GNG7: variants seen among roughly 807,000 people sequenced by gnomAD.
GNG7 encodes the protein G protein subunit gamma 7, also known as guanine nucleotide-binding protein G(I)/G(S)/G(O) subunit gamma-7.
GNG7 carries 1 observed loss-of-function variant against 4.0 expected under a neutral mutation model. The observed-to-expected ratio is 0.25, with a 90% CI of 0.09 to 1.18. GNG7 has a LOEUF of 1.18. GNG7 is among the 50% of genes most tolerant of loss of function. The pLI, the probability that GNG7 is intolerant of heterozygous loss-of-function variation, is 0.50. For missense variants in GNG7, 86 were observed against 91.9 expected, an observed-to-expected ratio of 0.94 and a Z score of 0.26; for synonymous variants, 34 against 36.9, an observed-to-expected ratio of 0.92 and a Z score of 0.29.
At position 2,617,038 on chromosome 19, in the gene GNG7, C is replaced by A. The variant is rs1206689317; in HGVS notation, c.-78+29186G>T. Among the ~76,000 whole-genome samples the A allele has an allele frequency of 6.6e-6, 1 of 152,184 alleles. No individual in the cohort carries two copies. The highest frequency in any genetic ancestry group is 1.5e-5 in the Non-Finnish European group (1 of 68,036). The stretch of plus-strand genomic sequence containing the variant: ...CACCAGCCTTCCACCAGTGTGCTGC[C>A]CAGCACGTGACTATCGGAAAAACTT... On this transcript the variant is annotated intron_variant, in intron 2 of 4. Coordinates refer to ENST00000382159, the MANE Select transcript of GNG7 (RefSeq NM_052847.3). The surrounding 1 kb of genome is among the most constrained non-coding windows in gnomAD (Gnocchi z 4.7).
At chr19:2,577,700 C>CAAA (rs58623953) in intron 2 of GNG7, among the ~76,000 whole-genome samples, 10 of 108,392 alleles carry the variant, frequency 9.2e-5, no homozygotes, top group African/African-American at 1.8e-4. Context: ...GATTCCATCT[C>CAAA]AAAAAAAAAA....
intron 2 of GNG7, among the ~76,000 whole-genome samples, chr19:2,612,669 G>A (rs997715390): frequency 6.9e-6 from 1 of 144,672 alleles, no homozygotes; most frequent in Non-Finnish European, 1.5e-5. Flanking sequence ...CAAGACAATT[G>A]TAAAATACAG....
intron 3 of GNG7, among the ~76,000 whole-genome samples, chr19:2,542,261 C>T (rs1265264774): frequency 6.6e-6 from 1 of 151,854 alleles, no homozygotes; most frequent in Non-Finnish European, 1.5e-5. Context: ...ATTACAGGCG[C>T]TCACAACCAC....
Position 2,520,534 on chromosome 19 carries a change from C to T in GNG7, c.81+74G>A, listed in dbSNP as rs559946090. On this transcript the variant is annotated intron_variant, in intron 4 of 4. Coordinates refer to ENST00000382159, the MANE Select transcript of GNG7 (RefSeq NM_052847.3). ...GGGGTGCAAGCCTCTGCCCTCCTGC[C>T]GAGCCTCCTGTTCATCATTTGCGGG... 1.3e-5 allele frequency: 10 copies of T among 788,418 alleles called. 1 individual carries two copies. Among genetic ancestry groups the T allele is most frequent in the Admixed American group, 8.2e-5 (4 of 48,680 alleles). The allele number at this position is 788,418 out of a possible 1,614,324, so 48.8% of individuals were successfully genotyped here.
At chr19:2,648,449 G>A (rs748044406) in intron 1 of GNG7, among the ~76,000 whole-genome samples, 17 of 152,108 alleles carry the variant, frequency 1.1e-4, no homozygotes, top group African/African-American at 1.9e-4. Context: ...TAACATAAGG[G>A]AAAACTGGTG....
intron 1 of GNG7, among the ~76,000 whole-genome samples, chr19:2,685,326 T>C (rs1471610479): frequency 6.6e-6 from 1 of 151,580 alleles, no homozygotes; most frequent in African/African-American, 2.4e-5. Context: ...TTTACCACAA[T>C]GAAAAATGAA....
chr19:2,539,323 TGGA>T (rs1568236079), intron 3 of GNG7, among the ~76,000 whole-genome samples: 2 of 147,606 alleles, frequency 1.4e-5, no homozygotes, highest in African/African-American at 2.5e-5. Context: ...TTTTTTTTTT[TGGA>T]TGGTGTTTCC....
chr19:2,647,165 C>T (rs148944361), intron 1 of GNG7, among the ~76,000 whole-genome samples: 114 of 152,328 alleles, frequency 7.5e-4, no homozygotes, highest in African/African-American at 2.7e-3. Flanking sequence ...CTGCAAACAC[C>T]GTGGTTTATA....
intron 1 of GNG7, among the ~76,000 whole-genome samples, chr19:2,701,463 C>T (rs114236783): frequency 6.8e-6 from 1 of 147,726 alleles, no homozygotes; most frequent in African/African-American, 2.5e-5. Flanking sequence ...CTCCCCATTT[C>T]CCCTGATAGC....
chr19:2,602,047 G>A (rs967237025), intron 2 of GNG7, among the ~76,000 whole-genome samples: 1 of 151,890 alleles, frequency 6.6e-6, no homozygotes, highest in Non-Finnish European at 1.5e-5. Context: ...ATCTGGAGAA[G>A]CACTAGAAGC....
chr19:2,661,270 A>AAAGGAAGGAAGGAAGGAAGG (rs1568277669), intron 1 of GNG7, among the ~76,000 whole-genome samples: 1 of 70,928 alleles, frequency 1.4e-5, no homozygotes, highest in Non-Finnish European at 2.6e-5. Context: ...AGAAAGAAAG[A>AAAGGAAGGAAGGAAGGAAGG]AAAGAAAGAA....
chr19:2,598,221 C>G (rs1393692062), intron 2 of GNG7, among the ~76,000 whole-genome samples: 1 of 152,186 alleles, frequency 6.6e-6, no homozygotes, highest in Non-Finnish European at 1.5e-5. Context: ...CAAAAGAACT[C>G]ACAATCAAAA....
At chr19:2,591,162 C>T (rs1980840291) in intron 2 of GNG7, among the ~76,000 whole-genome samples, 1 of 152,190 alleles carries the variant, frequency 6.6e-6, no homozygotes, top group South Asian at 2.1e-4. Flanking sequence ...ACAAGAAGAA[C>T]CTCTTGCGCG....
At chr19:2,598,871 T>C (rs1981115254) in intron 2 of GNG7, among the ~76,000 whole-genome samples, 1 of 146,788 alleles carries the variant, frequency 6.8e-6, no homozygotes, top group South Asian at 2.1e-4. Flanking sequence ...AAACACTGAC[T>C]TCTGTAATCA....
chr19:2,600,900 AG>A (rs1981178832), intron 2 of GNG7, among the ~76,000 whole-genome samples: 1 of 152,164 alleles, frequency 6.6e-6, no homozygotes, highest in Non-Finnish European at 1.5e-5. Context: ...TTCACAGAAG[AG>A]AAAATGCGAT....
At chr19:2,569,716 G>A (rs552829809) in intron 2 of GNG7, among the ~76,000 whole-genome samples, 1 of 152,296 alleles carries the variant, frequency 6.6e-6, no homozygotes, top group South Asian at 2.1e-4. Context: ...GCAGGGTGCT[G>A]AGCAGCGTCC....
rs1229377757 is a variant in GNG7 at position 2,682,564 on chromosome 19, G to A, written c.-135+20082C>T. On this transcript the variant is annotated intron_variant, in intron 1 of 4. Coordinates refer to ENST00000382159, the MANE Select transcript of GNG7 (RefSeq NM_052847.3). ...TGTAGTCCCAGCTACTCAGGAGGCT[G>A]AGGCAGGAGAATCACTTGAACCCGG... Among the ~76,000 whole-genome samples the A allele has an allele frequency of 2.1e-4, 32 of 149,842 alleles. No homozygotes were observed. In the Admixed American group the frequency reaches 2.1e-3, roughly 10 times the overall value.
intron 2 of GNG7, among the ~76,000 whole-genome samples, chr19:2,582,280 T>G (rs999467376): frequency 1.6e-4 from 25 of 152,168 alleles, no homozygotes; most frequent in Admixed American, 5.9e-4. Context: ...GGAAGCTGGA[T>G]GAAAGGTGTA....
At chr19:2,636,708 G>A (rs1347977900) in intron 2 of GNG7, among the ~76,000 whole-genome samples, 1 of 152,138 alleles carries the variant, frequency 6.6e-6, no homozygotes. Flanking sequence ...GTGCCCACAG[G>A]GGCCCCTAGG....
Sources: gnomAD v4.1 joint callset for allele counts (sites outside exome capture counted in the v4.1 genomes callset) on GRCh38, gnomAD v4.1.1 for gene constraint, Gnocchi (gnomAD v3.1) non-coding constraint, MANE v1.5 for transcripts, NCBI Gene and HGNC (gene_info 2026-07-23, HGNC 2026-07-21) for gene names.